Variants in SPAG16 observed in about 807,000 individuals in gnomAD.
SPAG16 encodes the protein sperm associated antigen 16.
SPAG16 carries 86 observed loss-of-function variants against 80.4 expected under a neutral mutation model. That is an observed-to-expected ratio of 1.07 (90% CI 0.90 to 1.28). SPAG16 has a LOEUF of 1.28. Among genes scored for constraint, SPAG16 ranks in the 50% most tolerant of loss-of-function variants. SPAG16 has a pLI of 0.00. For missense variants in SPAG16, 870 were observed against 765.3 expected, an observed-to-expected ratio of 1.14 and a Z score of -1.61; for synonymous variants, 294 against 265.9, an observed-to-expected ratio of 1.11 and a Z score of -1.03.
At chr2:213,950,006 G>A (rs978271094) in intron 12 of SPAG16, among the ~76,000 whole-genome samples, 1 of 152,142 alleles carries the variant, frequency 6.6e-6, no homozygotes, top group African/African-American at 2.4e-5. Context: ...AGTAACTGCA[G>A]CTTCCTTCAC....
At chr2:214,073,609 A>T (rs1457054462) in intron 13 of SPAG16, among the ~76,000 whole-genome samples, 1 of 152,056 alleles carries the variant, frequency 6.6e-6, no homozygotes, top group African/African-American at 2.4e-5. Flanking sequence ...TAGCATAAAG[A>T]TGTCAATTCT....
rs140644334 is a variant in SPAG16, at chr2:214,210,513, GA to G, written c.1720+61248del. Among the ~76,000 whole-genome samples, 186 of 152,112 alleles carry G rather than the reference GA, an allele frequency of 1.2e-3. 2 individuals are homozygous for G. In the East Asian group the frequency reaches 0.031, roughly 25 times the overall value. The stretch of plus-strand genomic sequence containing the variant: ...TCTGTGGAGTCAAAATTTATGTGTG[GA>G]TTTTCTATTTCCTGGGGGTTTTGTG... On this transcript the variant is annotated intron_variant, in intron 15 of 15. Transcript: ENST00000331683.
At chr2:213,298,818 T>C (rs1415052620) in intron 3 of SPAG16, among the ~76,000 whole-genome samples, 1 of 152,204 alleles carries the variant, frequency 6.6e-6, no homozygotes, top group Non-Finnish European at 1.5e-5. Flanking sequence ...CTGTAGCTGA[T>C]TGACTCTCAT....
chr2:214,087,512 AT>A (rs1168203042), intron 13 of SPAG16, among the ~76,000 whole-genome samples: 1 of 152,186 alleles, frequency 6.6e-6, no homozygotes, highest in Non-Finnish European at 1.5e-5. Context: ...ATATATAGAC[AT>A]TTTTCTAAAA....
At chr2:214,212,748 TTTC>T (rs1270115191) in intron 15 of SPAG16, among the ~76,000 whole-genome samples, 3 of 152,228 alleles carry the variant, frequency 2.0e-5, no homozygotes, top group Non-Finnish European at 4.4e-5. Context: ...CAAAAAAGTC[TTTC>T]TTTTCTCTTC....
chr2:214,397,574 G>A (rs184674993), intron 15 of SPAG16, among the ~76,000 whole-genome samples: 132 of 152,264 alleles, frequency 8.7e-4, no homozygotes, highest in African/African-American at 3.0e-3. Flanking sequence ...ATCCTTGGGA[G>A]TTTTTGCATT....
intron 2 of SPAG16, 45 bp from the exon 3 acceptor site, chr2:213,297,217 T>C: frequency 6.5e-7 from 1 of 1,526,988 alleles, no homozygotes; most frequent in South Asian, 1.2e-5. Flanking sequence ...AAGTATTTTA[T>C]ATTTCTGCTC....
chr2:214,246,558 C>T (rs1020438061), intron 15 of SPAG16, among the ~76,000 whole-genome samples: 2 of 152,000 alleles, frequency 1.3e-5, no homozygotes, highest in East Asian at 1.9e-4. Context: ...ATGCTTAGTC[C>T]ACTGTGCTGC....
At chr2:214,311,795 A>G (rs1027665312) in intron 15 of SPAG16, 1 of 152,130 alleles carries the variant, frequency 6.6e-6, no homozygotes, top group Non-Finnish European at 1.5e-5. Flanking sequence ...TACTTTCTAA[A>G]TGTTTCCCTT....
At chr2:213,799,125 G>T (rs2071222131) in intron 10 of SPAG16, among the ~76,000 whole-genome samples, 2 of 152,102 alleles carry the variant, frequency 1.3e-5, no homozygotes, top group South Asian at 4.1e-4. Context: ...CAGAGATTTT[G>T]ATAGAGATTC....
chr2:214,172,141 A>G (rs1168858957), intron 15 of SPAG16, among the ~76,000 whole-genome samples: 1 of 151,852 alleles, frequency 6.6e-6, no homozygotes, highest in East Asian at 1.9e-4. Context: ...CATGTGCACA[A>G]TGTGCAGGTT....
At chr2:213,490,681 C>T (rs1454723753) in intron 10 of SPAG16, among the ~76,000 whole-genome samples, 1 of 151,832 alleles carries the variant, frequency 6.6e-6, no homozygotes, top group African/African-American at 2.4e-5. Flanking sequence ...CTTATAATTC[C>T]ATGGTACATT....
chr2:213,435,803 G>A (rs1185584948), intron 9 of SPAG16, among the ~76,000 whole-genome samples: 2 of 152,076 alleles, frequency 1.3e-5, no homozygotes, highest in Admixed American at 6.5e-5. Flanking sequence ...ATTAAATAAC[G>A]TAGACATAAA....
At chr2:213,567,382 C>T (rs1263273782) in intron 10 of SPAG16, among the ~76,000 whole-genome samples, 1 of 96,480 alleles carries the variant, frequency 1.0e-5, no homozygotes, top group Non-Finnish European at 2.0e-5. Flanking sequence ...TCCCTCCCCC[C>T]TCCCCCGACC....
At chr2:213,458,870 C>T (rs77618194) in intron 9 of SPAG16, among the ~76,000 whole-genome samples, 3,569 of 152,104 alleles carry the variant, frequency 0.023, 59 homozygotes, top group South Asian at 0.038. Context: ...TCAGTAATTA[C>T]GTTTTAATAT....
At chr2:213,804,361 G>C (rs1047076466) in intron 10 of SPAG16, among the ~76,000 whole-genome samples, 1 of 152,178 alleles carries the variant, frequency 6.6e-6, no homozygotes, top group Non-Finnish European at 1.5e-5. Flanking sequence ...GGATGGGCAA[G>C]GGGTAAGTAA....
chr2:213,556,771 C>T (rs1204127304), intron 10 of SPAG16, among the ~76,000 whole-genome samples: 1 of 152,124 alleles, frequency 6.6e-6, no homozygotes, highest in Non-Finnish European at 1.5e-5. Flanking sequence ...CAAACCATTC[C>T]ATCCAACAGC....
At chr2:213,675,526 A>G (rs918694544) in intron 10 of SPAG16, among the ~76,000 whole-genome samples, 29 of 152,270 alleles carry the variant, frequency 1.9e-4, no homozygotes, top group Non-Finnish European at 3.4e-4. Context: ...TAGGGCTAAC[A>G]TTTAAGTCTT....
At chr2:213,679,219 A>C (rs779908049) in intron 10 of SPAG16, among the ~76,000 whole-genome samples, 5 of 152,230 alleles carry the variant, frequency 3.3e-5, no homozygotes, top group Admixed American at 6.5e-5. Flanking sequence ...CATTATCTAT[A>C]CACTATGGTC....
Sources: gnomAD v4.1 joint callset for allele counts (sites outside exome capture counted in the v4.1 genomes callset) on GRCh38, gnomAD v4.1.1 for gene constraint, MANE v1.5 for transcripts, NCBI Gene and HGNC (gene_info 2026-07-23, HGNC 2026-07-21) for gene names.